NLGN1: variants seen among roughly 807,000 people sequenced by gnomAD.
The protein encoded by NLGN1 is neuroligin 1.
In NLGN1, 12 loss-of-function variants were observed where a neutral mutation model predicts 65.5. That is an observed-to-expected ratio of 0.18 (90% CI 0.12 to 0.30). The LOEUF is 0.30. Ranked by LOEUF, NLGN1 falls within the 10% of genes least tolerant of loss-of-function variation. The probability of loss-of-function intolerance (pLI) is 1.00; values close to 1 mark genes in which losing one functional copy is unlikely to be tolerated. For synonymous variants in NLGN1, 350 were observed against 359.5 expected, an observed-to-expected ratio of 0.97 and a Z score of 0.30; for missense variants, 750 against 1,007.1, an observed-to-expected ratio of 0.74 and a Z score of 3.46.
At chr3:173,675,883 TCTCTCA>T (rs1417392954) in intron 3 of NLGN1, among the ~76,000 whole-genome samples, 2 of 132,776 alleles carry the variant, frequency 1.5e-5, no homozygotes, top group Admixed American at 7.4e-5. Context: ...TCTCTCTCTC[TCTCTCA>T]CACACACACA....
chr3:173,556,463 T>G (rs938100644), intron 2 of NLGN1, among the ~76,000 whole-genome samples: 4 of 152,178 alleles, frequency 2.6e-5, no homozygotes, highest in African/African-American at 9.7e-5. Context: ...CTTTTTCTAA[T>G]TTGTTTTTAG....
intron 4 of NLGN1, among the ~76,000 whole-genome samples, chr3:173,983,174 A>G (rs1003715862): frequency 2.0e-5 from 3 of 152,082 alleles, no homozygotes; most frequent in African/African-American, 4.8e-5. Context: ...GTTCACCTTC[A>G]TATTTGAAGG....
intron 3 of NLGN1, among the ~76,000 whole-genome samples, chr3:173,638,911 T>C (rs557743408): frequency 6.6e-6 from 1 of 152,162 alleles, no homozygotes; most frequent in Admixed American, 6.5e-5. Context: ...TATAGGAAGG[T>C]AGTGAATAAA....
At chr3:174,273,049 G>A (rs971905471) in intron 4 of NLGN1, among the ~76,000 whole-genome samples, 7 of 149,800 alleles carry the variant, frequency 4.7e-5, no homozygotes, top group Non-Finnish European at 8.9e-5. Flanking sequence ...AAAGCTATTT[G>A]ACTAAAGAGT....
chr3:174,184,107 A>G (rs1401865761), intron 4 of NLGN1, among the ~76,000 whole-genome samples: 1 of 152,186 alleles, frequency 6.6e-6, no homozygotes, highest in Non-Finnish European at 1.5e-5. Context: ...TTTTCTTTAG[A>G]ACATTGCTCA....
chr3:174,044,720 T>C (rs1194674363), intron 4 of NLGN1, among the ~76,000 whole-genome samples: 4 of 152,154 alleles, frequency 2.6e-5, no homozygotes. Flanking sequence ...CTGATATGGT[T>C]TGACTGTGTC....
At chr3:173,628,061 A>C (rs932880363) in intron 3 of NLGN1, among the ~76,000 whole-genome samples, 4 of 152,056 alleles carry the variant, frequency 2.6e-5, no homozygotes, top group African/African-American at 9.7e-5. Flanking sequence ...GTCACTGCAT[A>C]GCTGGGAGTT....
intron 4 of NLGN1, among the ~76,000 whole-genome samples, chr3:173,996,279 T>C (rs1722263849): frequency 6.6e-6 from 1 of 152,186 alleles, no homozygotes; most frequent in Non-Finnish European, 1.5e-5. Context: ...GCTGTATATA[T>C]AGTGCAAGGA....
At chr3:173,858,232 A>G (rs1219373238) in intron 4 of NLGN1, among the ~76,000 whole-genome samples, 2 of 152,084 alleles carry the variant, frequency 1.3e-5, no homozygotes, top group African/African-American at 2.4e-5. Flanking sequence ...TCAGAGGGCA[A>G]TATTTTGCTT....
chr3:174,116,731 T>C (rs1352833875), intron 4 of NLGN1, among the ~76,000 whole-genome samples: 1 of 152,132 alleles, frequency 6.6e-6, no homozygotes, highest in African/African-American at 2.4e-5. Context: ...GATCATGAAT[T>C]TCAATATTAA....
At chr3:173,709,173 T>G (rs1174217478) in intron 3 of NLGN1, among the ~76,000 whole-genome samples, 3 of 152,320 alleles carry the variant, frequency 2.0e-5, no homozygotes, top group Non-Finnish European at 1.5e-5. Context: ...CCGAGGTTTA[T>G]TTCTCATTTG....
At chr3:174,035,603 C>A (rs536824145) in intron 4 of NLGN1, among the ~76,000 whole-genome samples, 15 of 152,246 alleles carry the variant, frequency 9.9e-5, no homozygotes, top group African/African-American at 3.4e-4. Context: ...TATCTGCCTG[C>A]CAAGTTGAGG....
chr3:174,077,648 C>T (rs1294115795), intron 4 of NLGN1, among the ~76,000 whole-genome samples: 1 of 152,052 alleles, frequency 6.6e-6, no homozygotes, highest in Non-Finnish European at 1.5e-5. Context: ...CTCCGCCTCC[C>T]GGGTTCAAGC....
intron 4 of NLGN1, among the ~76,000 whole-genome samples, chr3:174,035,844 C>T (rs1259750760): frequency 6.6e-6 from 1 of 152,000 alleles, no homozygotes; most frequent in Non-Finnish European, 1.5e-5. Context: ...AAGTCTAGAT[C>T]CTATTATATA....
chr3:173,525,714 C>T (rs756629186), intron 2 of NLGN1, among the ~76,000 whole-genome samples: 1 of 152,040 alleles, frequency 6.6e-6, no homozygotes, highest in Non-Finnish European at 1.5e-5. Context: ...ATCTTTCTAT[C>T]TTTCTGATGT....
At chr3:173,586,931 A>T (rs915939334) in intron 2 of NLGN1, among the ~76,000 whole-genome samples, 3 of 152,250 alleles carry the variant, frequency 2.0e-5, no homozygotes, top group African/African-American at 4.8e-5. Context: ...AACGGATTTT[A>T]AAAAGACAGC....
At chr3:173,822,941 A>G (rs1330140009) in intron 4 of NLGN1, among the ~76,000 whole-genome samples, 2 of 151,882 alleles carry the variant, frequency 1.3e-5, no homozygotes, top group African/African-American at 4.8e-5. Context: ...GTTTTTAAAA[A>G]CCTGCTATTT....
At chr3:173,722,905 A>T (rs902318762) in intron 3 of NLGN1, among the ~76,000 whole-genome samples, 1 of 152,222 alleles carries the variant, frequency 6.6e-6, no homozygotes, top group South Asian at 2.1e-4. Context: ...AAAGAAAAAT[A>T]AAAATATAAA....
chr3:173,471,951 A>G (rs1019509616), intron 2 of NLGN1, among the ~76,000 whole-genome samples: 2 of 152,174 alleles, frequency 1.3e-5, no homozygotes, highest in African/African-American at 4.8e-5. Context: ...ACATTCCAAG[A>G]AAGAAGATAA....
Sources: allele counts gnomAD v4.1 joint callset (sites outside exome capture counted in the v4.1 genomes callset), GRCh38; gene constraint gnomAD v4.1.1; transcripts MANE v1.5; gene names NCBI Gene and HGNC (gene_info 2026-07-23, HGNC 2026-07-21).